QKI: variants seen among roughly 807,000 people sequenced by gnomAD.
QKI encodes QKI, KH domain containing RNA binding, also known as KH domain-containing RNA-binding protein QKI.
In QKI, 10 loss-of-function variants were observed where a neutral mutation model predicts 39.0. The ratio of observed to expected loss-of-function variants is 0.26; its 90% CI spans 0.16 to 0.43. QKI has a LOEUF of 0.43. Among genes scored for constraint, QKI ranks in the 20% least tolerant of loss-of-function variants. The probability of loss-of-function intolerance (pLI) is 1.00; values close to 1 mark genes in which losing one functional copy is unlikely to be tolerated. For missense variants in QKI, 218 were observed against 428.0 expected (o/e 0.51, Z 4.33); for synonymous variants, 204 against 155.4 (o/e 1.31, Z -2.33).
chr6:163,516,406 T>C (rs1270674992), intron 3 of QKI, among the ~76,000 whole-genome samples: 1 of 152,148 alleles, frequency 6.6e-6, no homozygotes, highest in Non-Finnish European at 1.5e-5. Context: ...GCAGTTCTCC[T>C]GCCTCAGCCT....
chr6:163,535,291 A>T (rs181948871), intron 4 of QKI, among the ~76,000 whole-genome samples, 166 bp downstream of exon 4: 1 of 152,188 alleles, frequency 6.6e-6, no homozygotes, highest in South Asian at 2.1e-4. Context: ...TAAAAACATA[A>T]AGTTCGTATT....
Position 163,575,484 on chromosome 6 carries a change from A to G in QKI, c.*4774A>G, listed in dbSNP as rs1319040188. 1 of 152,226 alleles carries G rather than the reference A, an allele frequency of 6.6e-6. No homozygotes were observed. The highest frequency in any genetic ancestry group is 1.5e-5 in the Non-Finnish European group (1 of 68,036). The allele number at this position is 152,226 out of a possible 1,614,324, so 9.4% of individuals were successfully genotyped here. On this transcript the variant is annotated 3_prime_UTR_variant, in exon 8 of 8. Coordinates refer to ENST00000361752, the MANE Select transcript of QKI (RefSeq NM_006775.3). ...GTTGATTGATTGAAACTATTTGACAAAACAGTTGAAAGCTGAGCTTTCAGT... is the reference window on the plus strand; with the variant it reads ...GTTGATTGATTGAAACTATTTGACAGAACAGTTGAAAGCTGAGCTTTCAGT...
At chr6:163,555,540 C>T (rs1171091511) in intron 4 of QKI, among the ~76,000 whole-genome samples, 1 of 144,364 alleles carries the variant, frequency 6.9e-6, no homozygotes, top group Non-Finnish European at 1.5e-5. Flanking sequence ...AGCCTGCACT[C>T]TGAGAGAAAA....
At chr6:163,567,906 A>G in intron 7 of QKI, 2 of 985,664 alleles carry the variant, frequency 2.0e-6, no homozygotes, top group African/African-American at 3.5e-5. Context: ...GATGATAAAT[A>G]CTAGACACAG....
At chr6:163,439,015 T>C (rs1789527135) in intron 1 of QKI, among the ~76,000 whole-genome samples, 1 of 152,214 alleles carries the variant, frequency 6.6e-6, no homozygotes, top group Non-Finnish European at 1.5e-5. Context: ...ATTTAATTTT[T>C]ACTTCTGAGT....
chr6:163,519,975 T>C (rs1042398014), intron 3 of QKI, among the ~76,000 whole-genome samples: 1 of 152,144 alleles, frequency 6.6e-6, no homozygotes, highest in Non-Finnish European at 1.5e-5. Flanking sequence ...AAACATGGCT[T>C]TAAGCACTAG....
intron 1 of QKI, among the ~76,000 whole-genome samples, chr6:163,446,055 C>T (rs1051442957): frequency 6.6e-6 from 1 of 152,132 alleles, no homozygotes; most frequent in Admixed American, 6.6e-5. Flanking sequence ...ACTCTGAAAC[C>T]GTACAGCTAT....
chr6:163,459,292 G>T (rs551042086), intron 2 of QKI, among the ~76,000 whole-genome samples: 89 of 152,290 alleles, frequency 5.8e-4, no homozygotes, highest in African/African-American at 2.1e-3. Context: ...TTCTCACCTG[G>T]TGGCAGTTTT....
chr6:163,445,615 C>CT (rs771151149), intron 1 of QKI, among the ~76,000 whole-genome samples: 38,482 of 135,302 alleles, frequency 0.28, 5,714 homozygotes, highest in Middle Eastern at 0.36. Context: ...GAGTATATGT[C>CT]TTTTTTTTTT....
At chr6:163,541,918 G>A (rs1422523018) in intron 4 of QKI, among the ~76,000 whole-genome samples, 2 of 151,890 alleles carry the variant, frequency 1.3e-5, no homozygotes, top group South Asian at 2.1e-4. Context: ...CATGAAAGGC[G>A]CATACATGTT....
At chr6:163,415,456 T>A in intron 1 of QKI, 121 bp downstream of exon 1, 1 of 960,356 alleles carries the variant, frequency 1.0e-6, no homozygotes, top group African/African-American at 1.8e-5. Flanking sequence ...CCGGGGGGAC[T>A]GGGAGGCCAG....
chr6:163,495,018 C>T (rs1399873833), intron 3 of QKI, among the ~76,000 whole-genome samples: 3 of 151,828 alleles, frequency 2.0e-5, no homozygotes, highest in African/African-American at 7.3e-5. Flanking sequence ...TGGGTTCAGG[C>T]GATTCCCTTG....
intron 4 of QKI, among the ~76,000 whole-genome samples, chr6:163,541,282 CTG>C (rs1490258757): frequency 1.3e-4 from 19 of 151,958 alleles, no homozygotes; most frequent in Non-Finnish European, 2.4e-4. Context: ...GTTTATCATA[CTG>C]TAGATTTCTA....
intron 4 of QKI, among the ~76,000 whole-genome samples, chr6:163,541,700 A>G (rs1474915212): frequency 6.6e-6 from 1 of 151,970 alleles, no homozygotes; most frequent in Non-Finnish European, 1.5e-5. Context: ...CTGTATGAAC[A>G]TGGTTTGGCA....
At position 163,564,011 on chromosome 6, in the gene QKI, G is replaced by T. The variant is rs541608821; in HGVS notation, c.934+292G>T. On this transcript the variant is annotated intron_variant, in intron 6 of 7. Transcript: ENST00000361752. ...CATTTGACATTACTGAGGTCATTCT[G>T]AGTTTTAGGTCCCACCCCATTGGCC... 50 of 1,218,288 alleles carry T rather than the reference G, an allele frequency of 4.1e-5. No individual in the cohort carries two copies. In the South Asian group the frequency reaches 1.5e-3, roughly 35 times the overall value. The allele number at this position is 1,218,288 out of a possible 1,614,324, so 75.5% of individuals were successfully genotyped here.
In QKI at chr6:163,415,225, C is replaced by T. The variant is rs777972156; in HGVS notation, c.32C>T (p.Pro11Leu). The T allele has an allele frequency of 6.9e-6, 11 of 1,594,692 alleles. No individual in the cohort carries two copies. The highest frequency in any genetic ancestry group is 1.7e-5 in the Admixed American group (1 of 58,650). ...GGGGAAATGGAAACGAAGGAGAAGC[C>T]GAAGCCCACCCCAGATTACCTGATG... MVGEMETKEK[P>L]KPTPDYLMQL... is the part of the protein sequence containing the mutation. Residue 11 changes from proline to leucine, a missense_variant, in exon 1 of 8, where the codon CCG becomes CTG. Coordinates refer to ENST00000361752, the MANE Select transcript of QKI (RefSeq NM_006775.3).
chr6:163,484,671 C>A (rs138953322), intron 3 of QKI, among the ~76,000 whole-genome samples: 56 of 152,342 alleles, frequency 3.7e-4, no homozygotes, highest in Middle Eastern at 6.8e-3. Context: ...TAGATGTAAT[C>A]TTCTTCCATT....
intron 4 of QKI, among the ~76,000 whole-genome samples, chr6:163,544,391 C>A (rs1781739249): frequency 6.6e-6 from 1 of 151,976 alleles, no homozygotes; most frequent in Non-Finnish European, 1.5e-5. Flanking sequence ...GAACCAGTTC[C>A]CCGCAGATAA....
At chr6:163,528,184 C>G (rs1170078235) in intron 3 of QKI, among the ~76,000 whole-genome samples, 1 of 152,124 alleles carries the variant, frequency 6.6e-6, no homozygotes, top group Non-Finnish European at 1.5e-5. Context: ...ACTAAATAAT[C>G]TCATCTACCC....
Sources: allele counts gnomAD v4.1 joint callset (sites outside exome capture counted in the v4.1 genomes callset), GRCh38; gene constraint gnomAD v4.1.1; transcripts MANE v1.5; gene names NCBI Gene and HGNC (gene_info 2026-07-23, HGNC 2026-07-21).